The following RORA variants were observed in gnomAD, a reference collection of about 807,000 sequenced individuals.
RORA encodes nuclear receptor ROR-alpha.
RORA carries 7 observed loss-of-function variants against 69.5 expected under a neutral mutation model. The ratio of observed to expected loss-of-function variants is 0.10; its 90% CI spans 0.06 to 0.19. The LOEUF is 0.19. Among genes scored for constraint, RORA ranks in the 10% least tolerant of loss-of-function variants. RORA has a pLI of 1.00. For synonymous variants in RORA, 261 were observed against 240.8 expected (o/e 1.08, Z -0.78); for missense variants, 457 against 663.0 (o/e 0.69, Z 3.41).
chr15:61,060,424 C>T (rs2078166880), intron 1 of RORA, among the ~76,000 whole-genome samples: 4 of 152,284 alleles, frequency 2.6e-5, no homozygotes, highest in South Asian at 2.1e-4. Context: ...CATGACAGCA[C>T]CCCCTGAGAG....
At chr15:61,105,005 C>A (rs2078932852) in intron 1 of RORA, among the ~76,000 whole-genome samples, 1 of 139,166 alleles carries the variant, frequency 7.2e-6, no homozygotes, top group Non-Finnish European at 1.6e-5. Context: ...GCCCCCCCCA[C>A]CGCCCAGCCA....
chr15:60,738,510 A>T, intron 1 of RORA, among the ~76,000 whole-genome samples: 1 of 151,502 alleles, frequency 6.6e-6, no homozygotes, highest in East Asian at 1.9e-4. Flanking sequence ...TGGCTTCACA[A>T]GCCCTTTCTC....
At chr15:60,967,440 G>C (rs180819874) in intron 1 of RORA, among the ~76,000 whole-genome samples, 1 of 152,292 alleles carries the variant, frequency 6.6e-6, no homozygotes, top group African/African-American at 2.4e-5. Context: ...AGCAGTTAAA[G>C]CAAAGAAGTG....
intron 1 of RORA, among the ~76,000 whole-genome samples, chr15:60,988,402 G>C (rs1209488712): frequency 6.6e-6 from 1 of 152,148 alleles, no homozygotes; most frequent in Non-Finnish European, 1.5e-5. Flanking sequence ...TCACCTCGTA[G>C]GTCAGAAGGC....
chr15:60,796,509 GC>G (rs2072499131), intron 1 of RORA, among the ~76,000 whole-genome samples: 1 of 135,910 alleles, frequency 7.4e-6, no homozygotes, highest in Non-Finnish European at 1.7e-5. Context: ...TCCACCCCCC[GC>G]CAAAAAAAAA....
chr15:60,574,239 C>T (rs2067963054), intron 2 of RORA, among the ~76,000 whole-genome samples: 1 of 152,152 alleles, frequency 6.6e-6, no homozygotes, highest in South Asian at 2.1e-4. Context: ...GCTTCCTCCT[C>T]TGTAAAAAGG....
At chr15:60,902,343 AG>A in intron 1 of RORA, among the ~76,000 whole-genome samples, 1 of 152,114 alleles carries the variant, frequency 6.6e-6, no homozygotes, top group Non-Finnish European at 1.5e-5. Context: ...TCTTAGTAAA[AG>A]GGATTTGTGG....
At chr15:60,581,806 C>G (rs2068203614) in intron 2 of RORA, among the ~76,000 whole-genome samples, 2 of 152,136 alleles carry the variant, frequency 1.3e-5, no homozygotes, top group African/African-American at 4.8e-5. Context: ...GATGCCAGGT[C>G]TCAAATTAGG....
intron 1 of RORA, among the ~76,000 whole-genome samples, chr15:60,759,526 G>A (rs1300608390): frequency 2.0e-5 from 3 of 152,128 alleles, no homozygotes; most frequent in Non-Finnish European, 4.4e-5. Context: ...CTGAGTAGTT[G>A]GAAGGATTAA....
chr15:60,945,423 T>TCCC (rs1892840901), intron 1 of RORA, among the ~76,000 whole-genome samples: 1 of 151,982 alleles, frequency 6.6e-6, no homozygotes, highest in Admixed American at 6.5e-5. Flanking sequence ...TTGCATGAGC[T>TCCC]CCCGTCAGGG....
At chr15:60,571,613 T>C (rs2067883501) in intron 2 of RORA, among the ~76,000 whole-genome samples, 1 of 152,196 alleles carries the variant, frequency 6.6e-6, no homozygotes, top group South Asian at 2.1e-4. Flanking sequence ...TGAAGAGGCA[T>C]GAGGGGTCCC....
intron 2 of RORA, among the ~76,000 whole-genome samples, chr15:60,675,209 A>G (rs140957990): frequency 7.5e-4 from 114 of 152,310 alleles, no homozygotes; most frequent in African/African-American, 2.6e-3. Flanking sequence ...AATAATAAAA[A>G]CCAACACAGC....
intron 3 of RORA, among the ~76,000 whole-genome samples, chr15:60,524,081 C>T (rs1353428630): frequency 6.6e-6 from 1 of 152,160 alleles, no homozygotes; most frequent in Non-Finnish European, 1.5e-5. Context: ...GAAAGATGGG[C>T]TTCACTTAAT....
intron 1 of RORA, among the ~76,000 whole-genome samples, chr15:61,002,928 G>C (rs898513151): frequency 6.8e-6 from 1 of 147,336 alleles, no homozygotes; most frequent in Non-Finnish European, 1.5e-5. Flanking sequence ...TCAGGAGTTC[G>C]AGACCATCTT....
At chr15:61,083,584 G>C (rs983637548) in intron 1 of RORA, among the ~76,000 whole-genome samples, 1 of 151,764 alleles carries the variant, frequency 6.6e-6, no homozygotes, top group African/African-American at 2.4e-5. Context: ...AGAATACACT[G>C]TTGCCGACTC....
At chr15:60,974,877 A>C (rs1893832362) in intron 1 of RORA, among the ~76,000 whole-genome samples, 1 of 152,206 alleles carries the variant, frequency 6.6e-6, no homozygotes, top group African/African-American at 2.4e-5. Context: ...CAGTGAAGAA[A>C]GGGAGGTGGC....
intron 1 of RORA, among the ~76,000 whole-genome samples, chr15:60,875,253 A>G (rs78424450): frequency 0.024 from 3,645 of 152,328 alleles, 146 homozygotes; most frequent in African/African-American, 0.084. Flanking sequence ...GGGAAGAAAA[A>G]AAAAGATAAA....
intron 1 of RORA, among the ~76,000 whole-genome samples, chr15:61,185,413 A>G (rs2079732002): frequency 6.6e-6 from 1 of 152,180 alleles, no homozygotes; most frequent in African/African-American, 2.4e-5. Context: ...AGTATAAAGA[A>G]AAAGTGAAAT....
chr15:61,051,375 G>A (rs1897282345), intron 1 of RORA, among the ~76,000 whole-genome samples: 1 of 152,164 alleles, frequency 6.6e-6, no homozygotes, highest in African/African-American at 2.4e-5. Context: ...GCTTTGTGGG[G>A]CACACTGATC....
Sources: gnomAD v4.1 joint callset for allele counts (sites outside exome capture counted in the v4.1 genomes callset) on GRCh38, gnomAD v4.1.1 for gene constraint, MANE v1.5 for transcripts, NCBI Gene and HGNC (gene_info 2026-07-23, HGNC 2026-07-21) for gene names.